Variants in ANKRD11 observed in about 807,000 individuals in gnomAD.
ANKRD11 encodes the protein ankyrin repeat domain 11.
Under a neutral mutation model 195.7 loss-of-function variants are expected in ANKRD11, and 17 were observed. The observed-to-expected ratio is 0.09, with a 90% CI of 0.06 to 0.13. ANKRD11 has a LOEUF of 0.13. Ranked by LOEUF, ANKRD11 falls within the 10% of genes least tolerant of loss-of-function variation. The pLI is 1.00. For missense variants in ANKRD11, 3,735 were observed against 3,566.1 expected, an observed-to-expected ratio of 1.05 and a Z score of -1.21; for synonymous variants, 1,953 against 1,528.1, an observed-to-expected ratio of 1.28 and a Z score of -6.49.
In ANKRD11 at chr16:89,363,293, G is replaced by A. The variant is rs540367129; in HGVS notation, c.-59-46215C>T. On this transcript the variant is annotated intron_variant, in intron 2 of 12. Coordinates refer to ENST00000301030, the MANE Select transcript of ANKRD11 (RefSeq NM_013275.6). Reference sequence around the variant, plus strand: ...TCTCTAAATTCACCCTGTATTTGACGGTGCATGCGAATTTGTTATTTATGC... The same window carrying A: ...TCTCTAAATTCACCCTGTATTTGACAGTGCATGCGAATTTGTTATTTATGC... Among the ~76,000 whole-genome samples, 15 of 152,004 alleles carry A rather than the reference G, an allele frequency of 9.9e-5. No homozygotes were observed. The South Asian group carries it at 1.0e-3, about 11-fold the overall frequency.
chr16:89,342,736 C>T (rs766112005), intron 2 of ANKRD11, among the ~76,000 whole-genome samples: 3 of 152,126 alleles, frequency 2.0e-5, no homozygotes, highest in Admixed American at 6.5e-5. Flanking sequence ...CACTATAGTC[C>T]TCATTAAAAT....
At position 89,283,807 on chromosome 16, in the gene ANKRD11, T is replaced by C. The variant is rs1275939063; in HGVS notation, c.2735A>G (p.Tyr912Cys). The change falls in exon 9 of 13, where the codon TAT becomes TGT. Residue 912 changes from tyrosine (Y) to cysteine (C), a missense_variant. Physicochemically the swap from Tyr to Cys is radical, Grantham distance 194. Coordinates refer to ENST00000301030, the MANE Select transcript of ANKRD11 (RefSeq NM_013275.6). The surrounding 1 kb of genome is among the most constrained non-coding windows in gnomAD (Gnocchi z 4.3). Reference sequence around the variant, plus strand: ...CCTCTTCTCAGAGTTTTTATCCAAATAGTCCCTGTCCTTCTTTCGGAAGAA... The same window carrying C: ...CCTCTTCTCAGAGTTTTTATCCAAACAGTCCCTGTCCTTCTTTCGGAAGAA... Reference protein sequence around the residue: ...EPFFRKKDRDYLDKNSEKRKE... With the variant: ...EPFFRKKDRDCLDKNSEKRKE... The C allele has an allele frequency of 5.0e-6, 8 of 1,613,604 alleles. No homozygotes were observed. The South Asian group carries it at 7.7e-5, about 16-fold the overall frequency.
At chr16:89,465,316 T>TC (rs2056844967) in intron 1 of ANKRD11, among the ~76,000 whole-genome samples, 1 of 152,050 alleles carries the variant, frequency 6.6e-6, no homozygotes. Flanking sequence ...AATGTCAGAC[T>TC]CCCACATATC....
In ANKRD11 at chr16:89,357,627, G is replaced by A. The variant is rs115853240; in HGVS notation, c.-59-40549C>T. On this transcript the variant is annotated intron_variant, in intron 2 of 12. Coordinates refer to ENST00000301030, the MANE Select transcript of ANKRD11 (RefSeq NM_013275.6). ...ACAGCAAACCCGAGTGTCCCCTGGCGGATGACAGAGAAGCAGAATGCGTCT... is the reference window on the plus strand; with the variant it reads ...ACAGCAAACCCGAGTGTCCCCTGGCAGATGACAGAGAAGCAGAATGCGTCT... Among the ~76,000 whole-genome samples, 588 of 152,286 alleles carry A rather than the reference G, an allele frequency of 3.9e-3. 2 individuals carry two copies. Among genetic ancestry groups the A allele is most frequent in the African/African-American group, 0.013 (560 of 41,564 alleles).
At chr16:89,273,817 C>T (rs1228016699) in intron 11 of ANKRD11, among the ~76,000 whole-genome samples, 3 of 152,194 alleles carry the variant, frequency 2.0e-5, no homozygotes, top group Non-Finnish European at 2.9e-5. Context: ...CATCTGGGAG[C>T]CCCTGGCTGT....
intron 1 of ANKRD11, chr16:89,459,223 T>G (rs1042435232): frequency 6.1e-6 from 1 of 163,972 alleles, no homozygotes; most frequent in Non-Finnish European, 1.3e-5. Flanking sequence ...CTGACCATAA[T>G]AATGAGATCT....
intron 2 of ANKRD11, among the ~76,000 whole-genome samples, chr16:89,329,678 T>C (rs150945982): frequency 1.3e-5 from 2 of 152,318 alleles, no homozygotes; most frequent in East Asian, 3.9e-4. Context: ...AAACCTTGTT[T>C]TGTGTATTTG....
At chr16:89,389,794 G>C (rs12920325) in intron 2 of ANKRD11, among the ~76,000 whole-genome samples, 52,369 of 121,348 alleles carry the variant, frequency 0.43, 11,461 homozygotes, top group Middle Eastern at 0.59. Context: ...CACCGAGTGT[G>C]GCGGGGAGCA....
intron 2 of ANKRD11, chr16:89,324,568 C>G (rs2037583034): frequency 2.2e-6 from 1 of 454,644 alleles, no homozygotes; most frequent in Non-Finnish European, 4.4e-6. Flanking sequence ...GACGAACCCT[C>G]CATCTGGGGG....
intron 2 of ANKRD11, among the ~76,000 whole-genome samples, chr16:89,332,292 A>G (rs1314737111): frequency 6.6e-6 from 1 of 152,220 alleles, no homozygotes; most frequent in African/African-American, 2.4e-5. Context: ...AACTCATGAG[A>G]AACACCTGGT....
chr16:89,414,268 CA>C (rs2042210428), intron 2 of ANKRD11, among the ~76,000 whole-genome samples: 1 of 152,174 alleles, frequency 6.6e-6, no homozygotes, highest in African/African-American at 2.4e-5. Flanking sequence ...ATTAACAAAC[CA>C]CTTTCAAAAC....
At chr16:89,352,399 G>A (rs749380930) in intron 2 of ANKRD11, among the ~76,000 whole-genome samples, 1 of 151,306 alleles carries the variant, frequency 6.6e-6, no homozygotes, top group Non-Finnish European at 1.5e-5. Flanking sequence ...CAAGCAGAAG[G>A]CCACAGTGAC....
intron 2 of ANKRD11, among the ~76,000 whole-genome samples, chr16:89,364,036 G>A (rs928392451): frequency 9.2e-5 from 14 of 151,740 alleles, no homozygotes; most frequent in Non-Finnish European, 2.1e-4. Flanking sequence ...CTGCATTCCT[G>A]CCCAGCCGAC....
intron 2 of ANKRD11, among the ~76,000 whole-genome samples, chr16:89,333,003 C>T (rs931228489): frequency 1.3e-5 from 2 of 152,200 alleles, no homozygotes; most frequent in African/African-American, 4.8e-5. Context: ...CCTGTGCACC[C>T]GGGGAATTTC....
chr16:89,284,928 G>A lies in ANKRD11; in HGVS notation c.1614C>T (p.His538=). The A allele has an allele frequency of 6.2e-7, 1 of 1,614,204 alleles. No individual in the cohort carries two copies. Among genetic ancestry groups the A allele is most frequent in the East Asian group, 2.2e-5 (1 of 44,876 alleles). ...SSAAQKQNPS[H]TDQHTKHWRT... Reference sequence around the variant, plus strand: ...GCCAGTGCTTGGTGTGCTGGTCTGTGTGGCTGGGGTTCTGCTTCTGGGCGG... The same window carrying A: ...GCCAGTGCTTGGTGTGCTGGTCTGTATGGCTGGGGTTCTGCTTCTGGGCGG... Residue 538 remains histidine, a synonymous_variant, in exon 9 of 13, where the codon CAC becomes CAT. Coordinates refer to ENST00000301030, the MANE Select transcript of ANKRD11 (RefSeq NM_013275.6).
chr16:89,319,484 C>T (rs747719259), intron 2 of ANKRD11, among the ~76,000 whole-genome samples: 5 of 152,240 alleles, frequency 3.3e-5, no homozygotes, highest in East Asian at 1.9e-4. Flanking sequence ...TTTCTGGAGA[C>T]GTTTCTCCAG....
intron 2 of ANKRD11, among the ~76,000 whole-genome samples, chr16:89,321,587 C>T (rs550254778): frequency 6.6e-6 from 1 of 152,098 alleles, no homozygotes; most frequent in East Asian, 1.9e-4. Flanking sequence ...CGGGTCCCCT[C>T]GGGCCTTCTG....
intron 2 of ANKRD11, among the ~76,000 whole-genome samples, chr16:89,381,354 A>AAAAAG (rs1555560066): frequency 7.2e-5 from 9 of 125,342 alleles, no homozygotes; most frequent in African/African-American, 3.0e-4. Flanking sequence ...AAAAAAAAAA[A>AAAAAG]GGGGTGAGAA....
rs972778520 is a variant in ANKRD11, at chr16:89,313,380, G to A, written c.87+3553C>T. 6 of 1,288,204 alleles carry A rather than the reference G, an allele frequency of 4.7e-6. No individual in the cohort carries two copies. In the African/African-American group the frequency reaches 7.6e-5, roughly 16 times the overall value. The allele number at this position is 1,288,204 out of a possible 1,614,324, so 79.8% of individuals were successfully genotyped here. A position where few individuals can be genotyped will look rare whatever the true frequency, so the allele number is the denominator to read the frequency against. On this transcript the variant is annotated intron_variant, in intron 3 of 12. Coordinates refer to ENST00000301030, the MANE Select transcript of ANKRD11 (RefSeq NM_013275.6). ...TGGTTCTTCCCGAGGCAGCTCAGCG[G>A]TTCTGGGATTCCGTGGTCGGCAATG...
Sources: allele counts gnomAD v4.1 joint callset (sites outside exome capture counted in the v4.1 genomes callset), GRCh38; gene constraint gnomAD v4.1.1; non-coding constraint Gnocchi (gnomAD v3.1); transcripts MANE v1.5; gene names NCBI Gene and HGNC (gene_info 2026-07-23, HGNC 2026-07-21).